PPP1R16A: variants seen among roughly 807,000 people sequenced by gnomAD.
The protein encoded by PPP1R16A is protein phosphatase 1 regulatory subunit 16A.
Under a neutral mutation model 46.6 loss-of-function variants are expected in PPP1R16A, and 39 were observed. The observed-to-expected ratio is 0.84, with a 90% CI of 0.65 to 1.09. The LOEUF is 1.09. Ranked by LOEUF, PPP1R16A falls within the 50% of genes least tolerant of loss-of-function variation. The probability of loss-of-function intolerance (pLI) is 0.00; values close to 1 mark genes in which losing one functional copy is unlikely to be tolerated. For synonymous variants in PPP1R16A, 413 were observed against 321.5 expected, an observed-to-expected ratio of 1.28 and a Z score of -3.04; for missense variants, 798 against 735.6, an observed-to-expected ratio of 1.08 and a Z score of -0.98.
At chr8:144,480,107 A>G (rs777966062) in intron 1 of PPP1R16A, among the ~76,000 whole-genome samples, 4 of 152,270 alleles carry the variant, frequency 2.6e-5, no homozygotes, top group Non-Finnish European at 5.9e-5. Flanking sequence ...AGGAGGTTGC[A>G]CTTAAGATGT....
intron 1 of PPP1R16A, among the ~76,000 whole-genome samples, chr8:144,480,904 T>A (rs1377351135): frequency 6.6e-6 from 1 of 151,964 alleles, no homozygotes; most frequent in Non-Finnish European, 1.5e-5. Context: ...GGTTTTTTTT[T>A]TTGACGGAGT....
chr8:144,491,823 G>A (rs374468139), intron 2 of PPP1R16A, among the ~76,000 whole-genome samples: 2 of 151,446 alleles, frequency 1.3e-5, no homozygotes, highest in African/African-American at 2.4e-5. Flanking sequence ...TCCCAGCTAC[G>A]TGGGAGGCCA....
At chr8:144,489,856 G>T (rs1465559844) in intron 1 of PPP1R16A, among the ~76,000 whole-genome samples, 178 bp from the exon 2 acceptor site, 9 of 152,200 alleles carry the variant, frequency 5.9e-5, no homozygotes, top group Admixed American at 5.9e-4. Flanking sequence ...CATTTCAGGA[G>T]GTCTCTAGAC....
intron 2 of PPP1R16A, among the ~76,000 whole-genome samples, chr8:144,491,087 C>T (rs1301252124): frequency 6.6e-6 from 1 of 152,112 alleles, no homozygotes; most frequent in Admixed American, 6.5e-5. Context: ...TCAAACAAAC[C>T]AGTCTGTGTG....
At chr8:144,498,660 C>T in intron 3 of PPP1R16A, 110 bp from the exon 4 acceptor site, 1 of 1,097,366 alleles carries the variant, frequency 9.1e-7, no homozygotes, top group Non-Finnish European at 1.3e-6. Flanking sequence ...GTGCCTCCTG[C>T]CATCGGCACC....
At chr8:144,498,740 C>T in intron 3 of PPP1R16A, 30 bp from the exon 4 acceptor site, 1 of 1,555,232 alleles carries the variant, frequency 6.4e-7, no homozygotes, top group Admixed American at 1.8e-5. Flanking sequence ...AGGGGCAGGA[C>T]CCTGTCCTCA....
chr8:144,499,713 CCTT>C (rs1387533033), intron 5 of PPP1R16A: 1 of 237,724 alleles, frequency 4.2e-6, no homozygotes, highest in African/African-American at 2.3e-5. Context: ...CCTTCACCGC[CCTT>C]CTTCCCTGGG....
At position 144,500,926 on chromosome 8, in the gene PPP1R16A, A is replaced by G. The variant is rs1490450186; in HGVS notation, c.992A>G (p.Gln331Arg). ...GCCCTCCTGCGCGCCCAGAGCCGCC[A>G]GCGCTCCTTGCTGCGCCGCCGCACC... ...HDALLRAQSR[Q>R]RSLLRRRTSS... Residue 331 changes from glutamine (Q) to arginine (R), a missense_variant, in exon 10 of 12, where the codon CAG becomes CGG. By Grantham distance (43) the Gln-to-Arg change is conservative. Transcript: ENST00000435887. The G allele has an allele frequency of 2.0e-6, 3 of 1,525,282 alleles. No homozygotes were observed. Among genetic ancestry groups the G allele is most frequent in the Non-Finnish European group, 1.8e-6 (2 of 1,140,452 alleles). The allele number at this position is 1,525,282 out of a possible 1,614,324, so 94.5% of individuals were successfully genotyped here.
Position 144,496,738 on chromosome 8 carries a change from C to T in PPP1R16A, c.-457C>T. 4.5e-6 allele frequency: 1 copy of T among 219,914 alleles called. No individual in the cohort carries two copies. The highest frequency in any genetic ancestry group is 1.1e-4 in the East Asian group (1 of 9,130). 13.6% of individuals were successfully genotyped at this position (219,914 alleles called of 1,614,324 possible). A position where few individuals can be genotyped will look rare whatever the true frequency, so the allele number is the denominator to read the frequency against. On this transcript the variant is annotated 5_prime_UTR_variant, in exon 3 of 12. Transcript: ENST00000435887. ...CTGAGCCTAGAAGGTGAAAAGAGGA[C>T]TCTCAGGGGCTCACAGGGGCTCTCA...
chr8:144,486,666 G>A (rs1186933891), intron 1 of PPP1R16A, among the ~76,000 whole-genome samples: 1 of 152,162 alleles, frequency 6.6e-6, no homozygotes, highest in Non-Finnish European at 1.5e-5. Flanking sequence ...TCAGTGAGGT[G>A]TGTCTTTGCA....
At chr8:144,484,103 C>G (rs1244997718) in intron 1 of PPP1R16A, among the ~76,000 whole-genome samples, 1 of 152,190 alleles carries the variant, frequency 6.6e-6, no homozygotes, top group Non-Finnish European at 1.5e-5. Context: ...GGCTGGGGAC[C>G]CTCACGGTCC....
intron 1 of PPP1R16A, among the ~76,000 whole-genome samples, chr8:144,488,108 ACAGCCT>A (rs1178516974): frequency 2.0e-5 from 3 of 152,186 alleles, no homozygotes; most frequent in Non-Finnish European, 4.4e-5. Context: ...TCCTCCCCTG[ACAGCCT>A]CTGTCTTTCC....
At position 144,501,750 on chromosome 8, in the gene PPP1R16A, C is replaced by G; in HGVS notation, c.1434C>G (p.Ser478Arg). Residue 478 changes from serine to arginine, a missense_variant, in exon 12 of 12, where the codon AGC becomes AGG. Physicochemically the swap from Ser to Arg is moderately radical, Grantham distance 110. Coordinates refer to ENST00000435887, the MANE Select transcript of PPP1R16A (RefSeq NM_001329443.2). ...LQRPPPEGPE[S>R]PETAEPGLPG... Reference sequence around the variant, plus strand: ...GACCCCCACCTGAGGGGCCCGAGAGCCCTGAGACAGCTGAGCCTGGCCTGC... The same window carrying G: ...GACCCCCACCTGAGGGGCCCGAGAGGCCTGAGACAGCTGAGCCTGGCCTGC... 1 of 1,574,448 alleles carries G rather than the reference C, an allele frequency of 6.4e-7. No individual in the cohort carries two copies. Among genetic ancestry groups the G allele is most frequent in the Non-Finnish European group, 8.6e-7 (1 of 1,160,904 alleles).
At chr8:144,483,108 C>A (rs556252617) in intron 1 of PPP1R16A, among the ~76,000 whole-genome samples, 3 of 152,148 alleles carry the variant, frequency 2.0e-5, no homozygotes, top group Non-Finnish European at 4.4e-5. Flanking sequence ...TGCGTATGTA[C>A]CCAGAAGTAG....
Position 144,491,771 on chromosome 8 carries a change from A to T in PPP1R16A, c.-735+1559A>T, listed in dbSNP as rs563594670. 2.0e-5 allele frequency among the ~76,000 whole-genome samples: 3 copies of T among 150,188 alleles called. No individual in the cohort carries two copies. The South Asian group carries it at 6.3e-4, about 32-fold the overall frequency. On this transcript the variant is annotated intron_variant, in intron 2 of 11. Transcript: ENST00000435887. ...GAGCGAGACTCTGTTTCAAAAAAAA[A>T]AAAAAAAAAAGTTAGCCGGGTGTGG...
rs1226032995 is a variant in PPP1R16A at position 144,496,491 on chromosome 8, C to T, written c.-704C>T. 3 of 153,698 alleles carry T rather than the reference C, an allele frequency of 2.0e-5. No individual in the cohort carries two copies. Among genetic ancestry groups the T allele is most frequent in the Non-Finnish European group, 4.3e-5 (3 of 69,130 alleles). 9.5% of individuals were successfully genotyped at this position (153,698 alleles called of 1,614,324 possible). ...AGCAGCTGCTGGAAGAGGAGGTGCT[C>T]CTGAAGACACTGCGGCCGGCCCGCC... is the stretch of plus-strand genomic sequence containing the variant. On this transcript the variant is annotated 5_prime_UTR_variant, in exon 3 of 12. Transcript: ENST00000435887.
chr8:144,501,814 A>G lies in PPP1R16A; in HGVS notation c.1498A>G (p.Arg500Gly). The stretch of plus-strand genomic sequence containing the variant: ...GACCCCCCAGCCTGACTGTGGCTTC[A>G]GGGCAGGCGGGGACCCACCCCTGCT... ...TVTPQPDCGF[R>G]AGGDPPLLKL... Residue 500 changes from arginine (R) to glycine (G), a missense_variant, in exon 12 of 12, where the codon AGG becomes GGG. Coordinates refer to ENST00000435887, the MANE Select transcript of PPP1R16A (RefSeq NM_001329443.2). 6.4e-7 allele frequency: 1 copy of G among 1,553,904 alleles called. No individual in the cohort carries two copies. Among genetic ancestry groups the G allele is most frequent in the Non-Finnish European group, 8.7e-7 (1 of 1,150,110 alleles).
chr8:144,489,251 A>AG (rs1165996873), intron 1 of PPP1R16A, among the ~76,000 whole-genome samples: 1 of 19,540 alleles, frequency 5.1e-5, no homozygotes, highest in Non-Finnish European at 9.2e-5. Context: ...TTGGCCTGGG[A>AG]GGGGGGTTGG....
At chr8:144,481,864 G>A (rs540231277) in intron 1 of PPP1R16A, among the ~76,000 whole-genome samples, 7 of 151,584 alleles carry the variant, frequency 4.6e-5, no homozygotes, top group African/African-American at 1.5e-4. Context: ...CGCATCCTCC[G>A]CCTGCCAGGT....
Sources: gnomAD v4.1 joint callset for allele counts (sites outside exome capture counted in the v4.1 genomes callset) on GRCh38, gnomAD v4.1.1 for gene constraint, MANE v1.5 for transcripts, NCBI Gene and HGNC (gene_info 2026-07-23, HGNC 2026-07-21) for gene names.